MYO18B: variants seen among roughly 807,000 people sequenced by gnomAD.
MYO18B encodes unconventional myosin-XVIIIb.
Under a neutral mutation model 273.0 loss-of-function variants are expected in MYO18B, and 204 were observed. The ratio of observed to expected loss-of-function variants is 0.75; its 90% confidence interval spans 0.67 to 0.84. The LOEUF (loss-of-function observed/expected upper bound fraction) is 0.84. Among genes scored for constraint, MYO18B ranks in the 40% least tolerant of loss-of-function variants. The pLI, the probability that MYO18B is intolerant of heterozygous loss-of-function variation, is 0.00. For missense variants in MYO18B, 3,212 were observed against 3,287.6 expected (o/e 0.98, Z 0.56); for synonymous variants, 1,330 against 1,305.7 (o/e 1.02, Z -0.40).
Position 25,983,944 on chromosome 22 carries a change from A to G in MYO18B, c.6157-8419A>G, listed in dbSNP as rs370328513. On this transcript the variant is annotated intron_variant, in intron 39 of 43. Coordinates refer to ENST00000335473, the MANE Select transcript of MYO18B (RefSeq NM_032608.7). ...TCCTGGCTTTCCCAAAGCATTCTGT[A>G]AAATCCTTCCAGCTTCAACAAAACA... 1.0e-3 allele frequency among the ~76,000 whole-genome samples: 156 copies of G among 152,332 alleles called. 1 individual carries two copies. Among genetic ancestry groups the G allele is most frequent in the South Asian group, 1.9e-3 (9 of 4,830 alleles).
chr22:26,036,055 A>T, the MYO18B span, among the ~76,000 whole-genome samples: 3 of 152,150 alleles, frequency 2.0e-5, no homozygotes, highest in Non-Finnish European at 4.4e-5. Context: ...ACTCCCAAAG[A>T]TTGTACATAG....
At chr22:25,895,116 T>G (rs2091766686) in intron 27 of MYO18B, 40 bp from the exon 28 acceptor site, 1 of 1,601,464 alleles carries the variant, frequency 6.2e-7, no homozygotes, top group African/African-American at 1.3e-5. Context: ...CTTACACTCA[T>G]TTGGCCTCTT....
At chr22:25,848,062 A>G (rs143329398) in intron 20 of MYO18B, among the ~76,000 whole-genome samples, 2 of 152,224 alleles carry the variant, frequency 1.3e-5, no homozygotes, top group Non-Finnish European at 2.9e-5. Context: ...GAAAAAGCCC[A>G]TATTATTTCT....
At chr22:25,771,098 A>C in intron 6 of MYO18B, 114 bp downstream of exon 6, 2 of 783,542 alleles carry the variant, frequency 2.6e-6, no homozygotes, top group Non-Finnish European at 2.1e-6. Context: ...GACTACCAAT[A>C]CCATTTTGGC....
At chr22:25,950,721 G>A (rs1199294294) in intron 37 of MYO18B, among the ~76,000 whole-genome samples, 4 of 151,918 alleles carry the variant, frequency 2.6e-5, no homozygotes, top group South Asian at 2.1e-4. Context: ...ACAGACACCC[G>A]CCACCATGCC....
At chr22:25,893,271 T>C (rs1287232487) in intron 27 of MYO18B, among the ~76,000 whole-genome samples, 4 of 152,248 alleles carry the variant, frequency 2.6e-5, no homozygotes, top group African/African-American at 9.6e-5. Context: ...TTTTGTGATA[T>C]GCACTCAGCG....
chr22:26,027,071 G>T lies in MYO18B; in HGVS notation c.7097G>T (p.Ser2366Ile), dbSNP rs757286053. The T allele has an allele frequency of 1.2e-6, 2 of 1,613,894 alleles. No individual in the cohort carries two copies. Among genetic ancestry groups the T allele is most frequent in the East Asian group, 4.5e-5 (2 of 44,888 alleles). ...AGACCGAGCATGGGGAGAAAACTGA[G>T]CTCTCCGACCACACCCAGGGACATG... ...ESRPSMGRKL[S>I]SPTTPRDMLL... is the part of the protein sequence containing the mutation. Residue 2366 changes from serine to isoleucine, a missense_variant, in exon 43 of 44, where the codon AGC becomes ATC. Physicochemically the swap from Ser to Ile is moderately radical, Grantham distance 142. Transcript: ENST00000335473. The surrounding 1 kb of genome is among the most constrained non-coding windows in gnomAD (Gnocchi z 4.1).
rs143321754 is a variant in MYO18B at position 25,846,990 on chromosome 22, G to T, written c.3553-440G>T. ...CGCTACTTGGGAGGCTGAGGCAGGA[G>T]AATTGCTTGAACCTGGGAGGAGGAG... On this transcript the variant is annotated intron_variant, in intron 19 of 43. Transcript: ENST00000335473. Among the ~76,000 whole-genome samples the T allele has an allele frequency of 5.9e-5, 9 of 151,692 alleles. No individual in the cohort carries two copies. The East Asian group carries it at 1.6e-3, about 26-fold the overall frequency.
intron 34 of MYO18B, among the ~76,000 whole-genome samples, chr22:25,941,332 T>G (rs1271504895): frequency 1.3e-5 from 2 of 152,148 alleles, no homozygotes; most frequent in African/African-American, 4.8e-5. Context: ...AGCTGTCACC[T>G]CAGGTCCTCA....
chr22:25,820,535 T>C (rs1485033272), intron 12 of MYO18B, among the ~76,000 whole-genome samples: 1 of 144,680 alleles, frequency 6.9e-6, no homozygotes, highest in African/African-American at 2.6e-5. Context: ...GAGAGAACTT[T>C]TTTTAGTTTT....
At chr22:25,927,048 C>T (rs1042730253) in intron 34 of MYO18B, among the ~76,000 whole-genome samples, 11 of 152,174 alleles carry the variant, frequency 7.2e-5, no homozygotes, top group Non-Finnish European at 1.6e-4. Flanking sequence ...TCTCTTAATC[C>T]TGTCAGCTGA....
intron 1 of MYO18B, among the ~76,000 whole-genome samples, chr22:25,744,793 A>C (rs928923092): frequency 6.6e-6 from 1 of 152,154 alleles, no homozygotes; most frequent in African/African-American, 2.4e-5. Context: ...AAAATGGAGG[A>C]GGTGGGTTTG....
chr22:25,941,894 G>GA (rs1318575096), intron 34 of MYO18B, among the ~76,000 whole-genome samples: 2 of 152,192 alleles, frequency 1.3e-5, no homozygotes, highest in Non-Finnish European at 2.9e-5. Context: ...GGTCAGTGCT[G>GA]AGGCCCTGCT....
chr22:26,003,143 G>T (rs1413763694), intron 40 of MYO18B, 122 bp from the exon 41 acceptor site: 7 of 875,278 alleles, frequency 8.0e-6, no homozygotes, highest in Non-Finnish European at 1.3e-5. Context: ...ACTTCCCTGA[G>T]ATCACACAGG....
intron 20 of MYO18B, among the ~76,000 whole-genome samples, chr22:25,848,286 C>T (rs2090319946): frequency 6.6e-6 from 1 of 152,042 alleles, no homozygotes; most frequent in African/African-American, 2.4e-5. Flanking sequence ...ATACGGGAGG[C>T]CCTGAGGCCT....
chr22:25,907,383 G>T (rs1398813276), intron 31 of MYO18B, among the ~76,000 whole-genome samples: 2 of 152,228 alleles, frequency 1.3e-5, no homozygotes, highest in Non-Finnish European at 2.9e-5. Flanking sequence ...GCTCATTCAT[G>T]GGATCACAGC....
At chr22:25,784,326 CAG>C (rs1398348731) in intron 10 of MYO18B, among the ~76,000 whole-genome samples, 2 of 152,238 alleles carry the variant, frequency 1.3e-5, no homozygotes, top group African/African-American at 4.8e-5. Flanking sequence ...GTGAGGAAAA[CAG>C]AGCACTTACT....
rs144134668 is a variant in MYO18B, at chr22:25,936,089, C to T, written c.5518-10048C>T. Among the ~76,000 whole-genome samples the T allele has an allele frequency of 1.8e-3, 272 of 152,272 alleles. 2 individuals carry two copies. The highest frequency in any genetic ancestry group is 6.1e-3 in the African/African-American group (255 of 41,538). On this transcript the variant is annotated intron_variant, in intron 34 of 43. Transcript: ENST00000335473. ...GCCCAGTGTCCAGTGGGGAGACAGA[C>T]GTGGAGGCACAAGACCTGGTGCTGT... is the stretch of plus-strand genomic sequence containing the variant.
chr22:26,035,531 T>C (rs1936761694), downstream of MYO18B, among the ~76,000 whole-genome samples: 1 of 152,194 alleles, frequency 6.6e-6, no homozygotes, highest in Non-Finnish European at 1.5e-5. Flanking sequence ...GGAGGGCTTC[T>C]GAAATGCTCC....
Sources: gnomAD v4.1 joint callset for allele counts (sites outside exome capture counted in the v4.1 genomes callset) on GRCh38, gnomAD v4.1.1 for gene constraint, Gnocchi (gnomAD v3.1) non-coding constraint, MANE v1.5 for transcripts, NCBI Gene and HGNC (gene_info 2026-07-23, HGNC 2026-07-21) for gene names.